The following APTX variants were observed in gnomAD, a reference collection of about 807,000 sequenced individuals.
The protein encoded by APTX is aprataxin, also known as forkhead-associated domain histidine triad-like protein.
A neutral mutation model predicts 42.3 loss-of-function variants in APTX; 33 were observed. The observed-to-expected ratio is 0.78, with a 90% CI of 0.59 to 1.04. The LOEUF (loss-of-function observed/expected upper bound fraction) is 1.04. Among genes scored for constraint, APTX ranks in the 50% least tolerant of loss-of-function variants. The probability of loss-of-function intolerance (pLI) is 0.00; values close to 1 mark genes in which losing one functional copy is unlikely to be tolerated. For synonymous variants in APTX, 130 were observed against 146.7 expected (o/e 0.89, Z 0.82); for missense variants, 421 against 415.1 (o/e 1.01, Z -0.12).
In APTX at chr9:33,001,570, CA is replaced by C. The variant is rs761659201; in HGVS notation, c.-9del. The C allele has an allele frequency of 6.2e-7, 1 of 1,613,980 alleles. No homozygotes were observed. The highest frequency in any genetic ancestry group is 1.7e-5 in the Admixed American group (1 of 60,022). On this transcript the variant is annotated 5_prime_UTR_variant, in exon 1 of 8. Transcript: ENST00000379817. ...GATAGGCTGACGACCGCCTTACCTC[CA>C]GAAGTCGGAGACGGACAAATTCACG...
At chr9:32,995,887 CAAAAAAAA>C (rs75109627) in intron 1 of APTX, among the ~76,000 whole-genome samples, 2 of 100,694 alleles carry the variant, frequency 2.0e-5, no homozygotes, top group Non-Finnish European at 3.9e-5. Context: ...GTCTCCGTCT[CAAAAAAAA>C]AAAAAAAAAG....
At chr9:32,973,700 A>G (rs1245594200) in intron 7 of APTX, 48 bp from the exon 8 acceptor site, 5 of 1,583,212 alleles carry the variant, frequency 3.2e-6, no homozygotes, top group Non-Finnish European at 2.6e-6. Flanking sequence ...TGGAAAACCA[A>G]TATGAGATAC....
chr9:32,985,689 G>A (rs1831830907), intron 5 of APTX, among the ~76,000 whole-genome samples: 1 of 151,972 alleles, frequency 6.6e-6, no homozygotes, highest in Non-Finnish European at 1.5e-5. Context: ...CCCCTGAAAG[G>A]AACCATACTA....
At chr9:33,010,200 C>T (rs1019939075) in intron 1 of APTX, among the ~76,000 whole-genome samples, 25 of 152,280 alleles carry the variant, frequency 1.6e-4, no homozygotes, top group South Asian at 4.1e-4. Flanking sequence ...CTCTTGGCAC[C>T]GTCAGACCAG....
At chr9:33,019,841 G>A in intron 1 of APTX, 1 of 643,380 alleles carries the variant, frequency 1.6e-6, no homozygotes. Context: ...GCCGCTCACT[G>A]TGAGATCCTT....
At chr9:32,976,345 T>C (rs1265933621) in intron 6 of APTX, among the ~76,000 whole-genome samples, 1 of 152,186 alleles carries the variant, frequency 6.6e-6, no homozygotes, top group Non-Finnish European at 1.5e-5. Flanking sequence ...AACCTGCCTG[T>C]TGTGCACATG....
intron 1 of APTX, among the ~76,000 whole-genome samples, chr9:32,993,598 T>C (rs1207224994): frequency 6.6e-6 from 1 of 152,198 alleles, no homozygotes; most frequent in African/African-American, 2.4e-5. Flanking sequence ...TCCTGCCTTC[T>C]CTCTCCCTTC....
At chr9:33,003,301 A>G (rs1476424492), upstream of APTX, among the ~76,000 whole-genome samples, 3 of 152,192 alleles carry the variant, frequency 2.0e-5, no homozygotes, top group Non-Finnish European at 4.4e-5. Context: ...ACATGGCACA[A>G]TGTATAGCTA....
intron 1 of APTX, among the ~76,000 whole-genome samples, chr9:33,008,185 G>A (rs952875271): frequency 6.6e-6 from 1 of 151,906 alleles, no homozygotes; most frequent in Admixed American, 6.6e-5. Flanking sequence ...GGAGGCCTAT[G>A]AGGAGCTTGG....
intron 6 of APTX, among the ~76,000 whole-genome samples, chr9:32,982,714 A>G (rs1830959985): frequency 6.6e-6 from 1 of 152,116 alleles, no homozygotes; most frequent in African/African-American, 2.4e-5. Flanking sequence ...GACAACATTC[A>G]CTGTAGGAAA....
chr9:33,008,500 C>G (rs1203271463), intron 1 of APTX, among the ~76,000 whole-genome samples: 1 of 151,808 alleles, frequency 6.6e-6, no homozygotes, highest in East Asian at 1.9e-4. Context: ...CTCGGCCTCC[C>G]AAAGTGCTGG....
chr9:32,986,067 A>AAAAAAAAAAAAAAT (rs1563964318), intron 4 of APTX, 37 bp from the exon 5 acceptor site: 1 of 1,501,328 alleles, frequency 6.7e-7, no homozygotes, highest in East Asian at 2.3e-5. Context: ...AAAAAAAAAA[A>AAAAAAAAAAAAAAT]AAACAAGCAA....
rs755485623 is a variant in APTX, at chr9:33,011,288, A to AT, written c.-5+13734dup. On this transcript the variant is annotated intron_variant, in intron 1 of 6. Coordinates refer to the APTX transcript ENST00000436040. ...AGGATTTTAATCAGTGGAGCACCAT[A>AT]TTTTTTTTTTTTGTTTTGAGATGGA... Among the ~76,000 whole-genome samples the AT allele has an allele frequency of 5.7e-3, 820 of 142,630 alleles. 1 individual carries two copies. Among genetic ancestry groups the AT allele is most frequent in the Non-Finnish European group, 8.1e-3 (518 of 63,874 alleles). The allele number at this position is 142,630 out of a possible 152,430, so 93.6% of individuals were successfully genotyped here.
At chr9:33,017,095 C>T (rs1468200115) in intron 1 of APTX, among the ~76,000 whole-genome samples, 3 of 152,210 alleles carry the variant, frequency 2.0e-5, no homozygotes, top group Non-Finnish European at 2.9e-5. Flanking sequence ...AAACAATTCT[C>T]TAATTCTCTG....
intron 1 of APTX, among the ~76,000 whole-genome samples, chr9:33,000,710 ATC>A (rs2119121301): frequency 6.6e-6 from 1 of 151,782 alleles, no homozygotes; most frequent in East Asian, 1.9e-4. Flanking sequence ...ACGAGCACAA[ATC>A]TGTATTGTCT....
At chr9:33,023,590 G>A (rs112778601) in intron 1 of APTX, among the ~76,000 whole-genome samples, 6 of 152,266 alleles carry the variant, frequency 3.9e-5, no homozygotes, top group Admixed American at 1.3e-4. Flanking sequence ...GTTTATTAAC[G>A]GTTGGTTTAA....
chr9:33,023,695 G>C (rs1838590737), intron 1 of APTX, among the ~76,000 whole-genome samples: 1 of 152,210 alleles, frequency 6.6e-6, no homozygotes, highest in Non-Finnish European at 1.5e-5. Context: ...AGCATACAAA[G>C]GTGAAAAGGC....
chr9:33,006,021 C>CTT (rs144006152), upstream of APTX, among the ~76,000 whole-genome samples: 1 of 147,528 alleles, frequency 6.8e-6, no homozygotes. Flanking sequence ...GAACTTTATT[C>CTT]TTTTTTTTTT....
chr9:32,987,501 T>A, intron 4 of APTX, 43 bp downstream of exon 4: 9 of 1,609,722 alleles, frequency 5.6e-6, no homozygotes, highest in Non-Finnish European at 7.6e-6. Context: ...GTCATTATAT[T>A]TCATTTCTTC....
Sources: allele counts gnomAD v4.1 joint callset (sites outside exome capture counted in the v4.1 genomes callset), GRCh38; gene constraint gnomAD v4.1.1; transcripts MANE v1.5; gene names NCBI Gene and HGNC (gene_info 2026-07-23, HGNC 2026-07-21).